CDH13: variants seen among roughly 807,000 people sequenced by gnomAD.
CDH13 encodes cadherin 13.
A neutral mutation model predicts 63.8 loss-of-function variants in CDH13; 24 were observed. The observed-to-expected ratio is 0.38, with a 90% CI of 0.27 to 0.53. The LOEUF (loss-of-function observed/expected upper bound fraction) is 0.53, where lower values mean the gene tolerates loss of function less well. Among genes scored for constraint, CDH13 ranks in the 20% least tolerant of loss-of-function variants. CDH13 has a pLI of 0.85. For missense variants in CDH13, 1,049 were observed against 903.1 expected, an observed-to-expected ratio of 1.16 and a Z score of -2.07; for synonymous variants, 503 against 355.3, an observed-to-expected ratio of 1.42 and a Z score of -4.67.
rs6563921 is a variant in CDH13, at chr16:83,506,106, G to C, written c.960+19451G>C. ...TTGCTGTTCCACTCATGGCAAACAG[G>C]ATTTGAAGTTGTTCCAGTCCAAGGG... On this transcript the variant is annotated intron_variant, in intron 7 of 13. Coordinates refer to ENST00000567109, the MANE Select transcript of CDH13 (RefSeq NM_001257.5). Among the ~76,000 whole-genome samples the C allele has an allele frequency of 6.2e-3, 937 of 152,308 alleles. 10 individuals carry two copies. The highest frequency in any genetic ancestry group is 0.021 in the African/African-American group (891 of 41,564).
At chr16:82,940,794 A>G (rs1310641037) in intron 2 of CDH13, among the ~76,000 whole-genome samples, 2 of 151,876 alleles carry the variant, frequency 1.3e-5, no homozygotes, top group East Asian at 3.9e-4. Context: ...TTTAAAGGGA[A>G]CCCTTATTTG....
intron 2 of CDH13, among the ~76,000 whole-genome samples, chr16:82,927,473 G>A (rs920556756): frequency 5.9e-5 from 9 of 152,242 alleles, no homozygotes; most frequent in South Asian, 2.1e-4. Context: ...GATACCTCAC[G>A]TGAGTAGAGG....
chr16:83,097,159 C>T (rs1397052719), intron 3 of CDH13, among the ~76,000 whole-genome samples: 2 of 152,056 alleles, frequency 1.3e-5, no homozygotes, highest in Admixed American at 6.6e-5. Context: ...GACTCGGTTG[C>T]CTTTGTTTTT....
At chr16:83,670,345 C>T (rs996064072) in intron 8 of CDH13, among the ~76,000 whole-genome samples, 2 of 152,202 alleles carry the variant, frequency 1.3e-5, no homozygotes, top group Non-Finnish European at 2.9e-5. Flanking sequence ...ATTTGTTTCT[C>T]ATTCAATGAT....
At chr16:83,014,768 A>T (rs868063830) in intron 2 of CDH13, among the ~76,000 whole-genome samples, 3 of 44,880 alleles carry the variant, frequency 6.7e-5, no homozygotes, top group Admixed American at 3.2e-4. Flanking sequence ...ATATATATAT[A>T]TATATATGTA....
chr16:83,448,804 T>A (rs76847764), intron 6 of CDH13, among the ~76,000 whole-genome samples: 1 of 152,066 alleles, frequency 6.6e-6, no homozygotes. Context: ...TTGGGGAGGA[T>A]AGGGTGGACT....
At chr16:83,713,423 C>T (rs568474782) in intron 10 of CDH13, among the ~76,000 whole-genome samples, 230 of 151,532 alleles carry the variant, frequency 1.5e-3, no homozygotes, top group African/African-American at 5.4e-3. Context: ...TTCTTTTATA[C>T]AGAGTTGGGG....
At chr16:83,086,897 C>T (rs1039727504) in intron 3 of CDH13, among the ~76,000 whole-genome samples, 8 of 152,022 alleles carry the variant, frequency 5.3e-5, no homozygotes, top group Non-Finnish European at 8.8e-5. Context: ...GCAGAAAGAA[C>T]GAGAGCAAAA....
At chr16:82,958,945 T>C (rs1471927375) in intron 2 of CDH13, among the ~76,000 whole-genome samples, 1 of 152,232 alleles carries the variant, frequency 6.6e-6, no homozygotes, top group Admixed American at 6.5e-5. Flanking sequence ...GTTTTCCTGG[T>C]GCAGAAAGAG....
In CDH13 at chr16:82,749,406, G is replaced by GA. The variant is rs560121203; in HGVS notation, c.46-108950dup. 4.4e-4 allele frequency among the ~76,000 whole-genome samples: 67 copies of GA among 152,270 alleles called. 2 individuals are homozygous for GA. In the East Asian group the frequency reaches 0.011, roughly 25 times the overall value. Reference sequence around the variant, plus strand: ...TGAAGAGAGAGGTAACCCTGATGGAGAAAAAATGAAGATTTATCGTGACAG... The same window carrying GA: ...TGAAGAGAGAGGTAACCCTGATGGAGAAAAAAATGAAGATTTATCGTGACAG... On this transcript the variant is annotated intron_variant, in intron 1 of 13. Transcript: ENST00000567109.
chr16:82,640,428 G>T (rs1909256764), intron 1 of CDH13, among the ~76,000 whole-genome samples: 1 of 152,088 alleles, frequency 6.6e-6, no homozygotes, highest in Admixed American at 6.5e-5. Flanking sequence ...ACCAGGGGTA[G>T]GTATCCTTTT....
chr16:83,131,199 C>T (rs191817455), intron 4 of CDH13, among the ~76,000 whole-genome samples: 7 of 104,382 alleles, frequency 6.7e-5, no homozygotes, highest in South Asian at 4.0e-4. Flanking sequence ...CCCCCCCCCC[C>T]CCGCCCACAG....
intron 2 of CDH13, among the ~76,000 whole-genome samples, chr16:82,980,634 T>C (rs557533155): frequency 4.4e-4 from 67 of 152,318 alleles, no homozygotes; most frequent in African/African-American, 1.6e-3. Flanking sequence ...AGTTATGGTC[T>C]CCGTGTTCTC....
intron 5 of CDH13, among the ~76,000 whole-genome samples, chr16:83,338,404 T>C (rs1467980242): frequency 2.6e-5 from 4 of 152,198 alleles, no homozygotes; most frequent in African/African-American, 9.7e-5. Context: ...AGGCATAGCC[T>C]CTTCCAAAGA....
At chr16:83,773,289 C>G (rs1050960776) in intron 11 of CDH13, among the ~76,000 whole-genome samples, 4 of 152,118 alleles carry the variant, frequency 2.6e-5, no homozygotes, top group African/African-American at 9.7e-5. Flanking sequence ...AAGTCAAGGC[C>G]TATATTAGTC....
intron 4 of CDH13, among the ~76,000 whole-genome samples, chr16:83,191,932 A>G (rs2151756227): frequency 6.6e-6 from 1 of 152,224 alleles, no homozygotes; most frequent in South Asian, 2.1e-4. Flanking sequence ...TGCATCCTTC[A>G]GTCCAATCAA....
chr16:82,950,719 A>C (rs1905205157), intron 2 of CDH13, among the ~76,000 whole-genome samples: 1 of 152,146 alleles, frequency 6.6e-6, no homozygotes, highest in African/African-American at 2.4e-5. Context: ...TACTGGATTA[A>C]GGTCTACCCA....
chr16:82,734,857 G>A (rs531299975), intron 1 of CDH13, among the ~76,000 whole-genome samples: 2 of 152,198 alleles, frequency 1.3e-5, no homozygotes, highest in African/African-American at 4.8e-5. Context: ...GAGAAGCTGA[G>A]AGCCGAGGGC....
chr16:82,869,704 A>C (rs554519252), intron 2 of CDH13, among the ~76,000 whole-genome samples: 1 of 152,192 alleles, frequency 6.6e-6, no homozygotes, highest in Non-Finnish European at 1.5e-5. Flanking sequence ...ATTTTTGACA[A>C]AGGTGCCAAG....
Sources: allele counts gnomAD v4.1 joint callset (sites outside exome capture counted in the v4.1 genomes callset), GRCh38; gene constraint gnomAD v4.1.1; transcripts MANE v1.5; gene names NCBI Gene and HGNC (gene_info 2026-07-23, HGNC 2026-07-21).